PDZD2: variants seen among roughly 807,000 people sequenced by gnomAD.
PDZD2 encodes PDZ domain containing 2.
Under a neutral mutation model 220.7 loss-of-function variants are expected in PDZD2, and 90 were observed. That is an observed-to-expected ratio of 0.41 (90% CI 0.34 to 0.49). PDZD2 has a LOEUF of 0.49. Among genes scored for constraint, PDZD2 ranks in the 20% least tolerant of loss-of-function variants. PDZD2 has a pLI of 0.28. For synonymous variants in PDZD2, 1,375 were observed against 1,450.5 expected (o/e 0.95, Z 1.18); for missense variants, 3,174 against 3,608.5 (o/e 0.88, Z 3.08).
At chr5:32,081,745 G>A (rs545014441) in intron 19 of PDZD2, among the ~76,000 whole-genome samples, 6 of 152,224 alleles carry the variant, frequency 3.9e-5, no homozygotes, top group East Asian at 3.9e-4. Flanking sequence ...GTTTTGTGGC[G>A]GAGTCTTGCT....
At chr5:31,979,749 C>T (rs1750130471) in intron 2 of PDZD2, among the ~76,000 whole-genome samples, 1 of 152,172 alleles carries the variant, frequency 6.6e-6, no homozygotes, top group South Asian at 2.1e-4. Context: ...TTAACACCCT[C>T]ACTTTACAGA....
intron 3 of PDZD2, among the ~76,000 whole-genome samples, chr5:31,989,428 T>TTTTTTTTTAATTTTTATTTATTTA (rs1751027808): frequency 3.4e-5 from 5 of 146,516 alleles, no homozygotes; most frequent in African/African-American, 1.3e-4. Context: ...TTTCTTTTTT[T>TTTTTTTTTAATTTTTATTTATTTA]TTTTTTTTTT....
At chr5:32,003,551 T>C (rs904873076) in intron 5 of PDZD2, among the ~76,000 whole-genome samples, 2 of 150,404 alleles carry the variant, frequency 1.3e-5, no homozygotes, top group Non-Finnish European at 2.9e-5. Flanking sequence ...CAGAGGCATG[T>C]GTCTGCAGAG....
chr5:31,696,043 C>T (rs1425991330), intron 1 of PDZD2, among the ~76,000 whole-genome samples: 3 of 152,092 alleles, frequency 2.0e-5, no homozygotes, highest in Admixed American at 6.6e-5. Flanking sequence ...TCCAGTGCCC[C>T]CCTCAGCTTG....
intron 2 of PDZD2, among the ~76,000 whole-genome samples, chr5:31,969,509 CAAAAAAAAAAA>C (rs56755290): frequency 1.9e-4 from 10 of 51,412 alleles, no homozygotes; most frequent in Middle Eastern, 0.014. Context: ...GCCCCCTCTC[CAAAAAAAAAAA>C]AAAAAAAAAA....
chr5:32,010,182 C>A (rs111530732), intron 5 of PDZD2, 148 bp from the exon 6 acceptor site: 5 of 590,032 alleles, frequency 8.5e-6, no homozygotes, highest in African/African-American at 5.5e-5. Context: ...ACACCCCTGG[C>A]CTTTGAGGTA....
At chr5:31,947,211 A>G (rs933132729) in intron 2 of PDZD2, among the ~76,000 whole-genome samples, 1 of 152,222 alleles carries the variant, frequency 6.6e-6, no homozygotes, top group Non-Finnish European at 1.5e-5. Context: ...ACCAGGTTCT[A>G]TGTGTACTCT....
chr5:32,006,899 A>C (rs1173282535), intron 5 of PDZD2, among the ~76,000 whole-genome samples: 4 of 129,002 alleles, frequency 3.1e-5, no homozygotes, highest in African/African-American at 1.1e-4. Flanking sequence ...TATGTTAGCC[A>C]TGCTGGTCTT....
At chr5:31,883,598 T>C (rs182095313) in intron 2 of PDZD2, among the ~76,000 whole-genome samples, 2 of 149,730 alleles carry the variant, frequency 1.3e-5, no homozygotes, top group Admixed American at 6.8e-5. Flanking sequence ...AGATCAAATT[T>C]GAATTAACCA....
rs1014401706 is a variant in PDZD2, at chr5:31,742,959, T to G, written c.-360-55930T>G. ...TCTGCTATGTGTTATTTGGTAGTGC[T>G]AGATAGAAAATTGAGCTTCTAAGTG... On this transcript the variant is annotated intron_variant, in intron 1 of 24. Coordinates refer to ENST00000438447, the MANE Select transcript of PDZD2 (RefSeq NM_178140.4). Among the ~76,000 whole-genome samples, 9 of 152,350 alleles carry G rather than the reference T, an allele frequency of 5.9e-5. 1 individual carries two copies. In the Middle Eastern group the frequency reaches 0.014, roughly 230 times the overall value.
intron 21 of PDZD2, among the ~76,000 whole-genome samples, chr5:32,096,545 C>T (rs1406208852): frequency 1.3e-5 from 2 of 152,072 alleles, no homozygotes; most frequent in African/African-American, 4.8e-5. Flanking sequence ...TCTCGAACTC[C>T]TGACCTCAGG....
chr5:31,655,173 T>C (rs565396085), intron 1 of PDZD2, among the ~76,000 whole-genome samples: 1 of 151,914 alleles, frequency 6.6e-6, no homozygotes, highest in Non-Finnish European at 1.5e-5. Context: ...ATTTTTGTTT[T>C]GTTTTTGTTT....
At chr5:31,725,479 C>T in intron 1 of PDZD2, 1 of 1,220,888 alleles carries the variant, frequency 8.2e-7, no homozygotes, top group Admixed American at 2.7e-5. Flanking sequence ...GTAAATAAAA[C>T]TATGAGTAAA....
At chr5:31,750,549 G>A (rs1750892898) in intron 1 of PDZD2, among the ~76,000 whole-genome samples, 1 of 152,210 alleles carries the variant, frequency 6.6e-6, no homozygotes, top group Non-Finnish European at 1.5e-5. Context: ...GGTCCGCCAA[G>A]GATGGGTGCC....
At chr5:31,818,752 A>C (rs1580817763) in intron 2 of PDZD2, among the ~76,000 whole-genome samples, 4 of 152,132 alleles carry the variant, frequency 2.6e-5, no homozygotes, top group African/African-American at 9.7e-5. Flanking sequence ...TTCAATGGCA[A>C]CATTAAAACA....
chr5:31,784,041 A>C (rs1385820536), intron 1 of PDZD2, among the ~76,000 whole-genome samples: 1 of 152,148 alleles, frequency 6.6e-6, no homozygotes, highest in Non-Finnish European at 1.5e-5. Flanking sequence ...GAAATGCAGG[A>C]GCTGTCTGGA....
At chr5:31,794,959 G>A (rs916580094) in intron 1 of PDZD2, among the ~76,000 whole-genome samples, 1 of 152,066 alleles carries the variant, frequency 6.6e-6, no homozygotes, top group South Asian at 2.1e-4. Flanking sequence ...TTAAGGCAAG[G>A]TCTAGATAAA....
In PDZD2 at chr5:32,087,164, C is replaced by T. The variant is rs1396600112; in HGVS notation, c.3716C>T (p.Pro1239Leu). ...AGCTCCTCAGACCTCATCTCTTCCC[C>T]AGGGAAGAAGGGGGCCGCTCATCCT... The part of the protein sequence containing the change: ...LDSSSDLISS[P>L]GKKGAAHPDP... The change falls in exon 20 of 25, where the codon CCA (proline) becomes CTA (leucine). Residue 1239 changes from proline (P) to leucine (L), a missense_variant. Physicochemically the swap from Pro to Leu is moderately conservative, Grantham distance 98 (BLOSUM62 -3). Transcript: ENST00000438447. This position sits in a 1 kb window ranked among gnomAD's most constrained non-coding sequence, Gnocchi z 4.0. 6.2e-7 allele frequency: 1 copy of T among 1,611,756 alleles called. No homozygotes were observed. The highest frequency in any genetic ancestry group is 1.1e-5 in the South Asian group (1 of 90,988).
intron 2 of PDZD2, among the ~76,000 whole-genome samples, chr5:31,887,740 C>T (rs2150344196): frequency 6.6e-6 from 1 of 152,096 alleles, no homozygotes; most frequent in Non-Finnish European, 1.5e-5. Context: ...GACACAGGCT[C>T]AAATACTGAG....
Sources: gnomAD v4.1 joint callset for allele counts (sites outside exome capture counted in the v4.1 genomes callset) on GRCh38, gnomAD v4.1.1 for gene constraint, Gnocchi (gnomAD v3.1) non-coding constraint, MANE v1.5 for transcripts, NCBI Gene and HGNC (gene_info 2026-07-23, HGNC 2026-07-21) for gene names.